Variants in PDS5B observed in about 807,000 individuals in gnomAD.
The protein encoded by PDS5B is sister chromatid cohesion protein PDS5 homolog B.
Under a neutral mutation model 184.1 loss-of-function variants are expected in PDS5B, and 51 were observed. That is an observed-to-expected ratio of 0.28 (90% CI 0.22 to 0.35). The LOEUF is 0.35. PDS5B is among the 10% of genes least tolerant of loss of function. The pLI is 1.00. For missense variants in PDS5B, 1,180 were observed against 1,723.3 expected, an observed-to-expected ratio of 0.68 and a Z score of 5.58; for synonymous variants, 566 against 569.2, an observed-to-expected ratio of 0.99 and a Z score of 0.08.
intron 19 of PDS5B, among the ~76,000 whole-genome samples, chr13:32,726,067 A>G (rs760017724): frequency 1.3e-5 from 2 of 151,902 alleles, no homozygotes; most frequent in Non-Finnish European, 2.9e-5. Context: ...GGCTTTAAAC[A>G]TATCTAAAGG....
Position 32,735,171 on chromosome 13 carries a change from G to A in PDS5B, c.2248-1G>A. The A allele has an allele frequency of 6.5e-7, 1 of 1,539,094 alleles. No individual in the cohort carries two copies. The highest frequency in any genetic ancestry group is 8.7e-7 in the Non-Finnish European group (1 of 1,143,570). On this transcript the variant is annotated splice_acceptor_variant, in intron 20 of 34. Transcript: ENST00000315596. LOFTEE classifies it high-confidence loss of function. The stretch of plus-strand genomic sequence containing the variant: ...ATATATTTTCCTCCCCTCATTTTCA[G>A]CCTCTGCATAAGAGCCTAGATCCAA...
intron 1 of PDS5B, among the ~76,000 whole-genome samples, chr13:32,635,341 C>CTTTT (rs576811097): frequency 5.8e-5 from 6 of 103,808 alleles, no homozygotes; most frequent in East Asian, 5.3e-4. Flanking sequence ...CCTGGCCTGT[C>CTTTT]TTTTTTTTTT....
At chr13:32,697,414 A>G (rs1951737657) in intron 15 of PDS5B, among the ~76,000 whole-genome samples, 1 of 152,182 alleles carries the variant, frequency 6.6e-6, no homozygotes, top group Non-Finnish European at 1.5e-5. Flanking sequence ...GCAAATGGAT[A>G]GAGGGATAAT....
At position 32,736,954 on chromosome 13, in the gene PDS5B, A is replaced by G. The variant is rs542860018; in HGVS notation, c.2406+1624A>G. Reference sequence around the variant, plus strand: ...ACACATACTTCAATTCTGTAATTCTATAGTTTTTAAACATAGCTCTTTGTT... The same window carrying G: ...ACACATACTTCAATTCTGTAATTCTGTAGTTTTTAAACATAGCTCTTTGTT... On this transcript the variant is annotated intron_variant, in intron 21 of 34. Transcript: ENST00000315596. Among the ~76,000 whole-genome samples the G allele has an allele frequency of 8.5e-5, 13 of 152,226 alleles. No individual in the cohort carries two copies. The South Asian group carries it at 1.5e-3, about 17-fold the overall frequency.
chr13:32,646,492 T>G (rs1017779093), intron 1 of PDS5B, among the ~76,000 whole-genome samples: 1 of 149,984 alleles, frequency 6.7e-6, no homozygotes, highest in African/African-American at 2.4e-5. Flanking sequence ...GCTGTGAACA[T>G]TTTTTTATAT....
chr13:32,630,369 G>A (rs139330115), intron 1 of PDS5B, among the ~76,000 whole-genome samples: 1 of 152,124 alleles, frequency 6.6e-6, no homozygotes, highest in Non-Finnish European at 1.5e-5. Context: ...GACATTTTTG[G>A]TTGTCACAAC....
At chr13:32,610,006 G>A (rs2058117220) in intron 1 of PDS5B, among the ~76,000 whole-genome samples, 1 of 152,194 alleles carries the variant, frequency 6.6e-6, no homozygotes, top group South Asian at 2.1e-4. Flanking sequence ...TAGAATTGCT[G>A]GAGCAATGTC....
At chr13:32,687,088 T>C (rs1566327859) in intron 11 of PDS5B, 46 bp from the exon 12 acceptor site, 1 of 1,457,680 alleles carries the variant, frequency 6.9e-7, no homozygotes, top group South Asian at 1.3e-5. Context: ...TTAATTTATA[T>C]AATGGAAGCC....
intron 1 of PDS5B, among the ~76,000 whole-genome samples, chr13:32,622,830 C>G (rs2058321104): frequency 6.6e-6 from 1 of 152,068 alleles, no homozygotes; most frequent in South Asian, 2.1e-4. Context: ...ATGTAGGTGC[C>G]TGTTACAACC....
chr13:32,665,521 A>G (rs1354478580), intron 6 of PDS5B, among the ~76,000 whole-genome samples: 14 of 136,554 alleles, frequency 1.0e-4, no homozygotes, highest in Admixed American at 1.0e-3. Context: ...CCCGGGAGGC[A>G]GAGCTTGCAG....
chr13:32,758,521 T>C lies in PDS5B; in HGVS notation c.3190-13T>C. On this transcript the variant is annotated splice_polypyrimidine_tract_variant and intron_variant, in intron 27 of 34. Transcript: ENST00000315596. ...GCTTAAGTATCTGTGTTTTTAAAAA[T>C]ATACTATTGCAGAAACTGTACACTG... 6.2e-7 allele frequency: 1 copy of C among 1,603,374 alleles called. No homozygotes were observed. The highest frequency in any genetic ancestry group is 8.5e-7 in the Non-Finnish European group (1 of 1,174,564).
At position 32,760,630 on chromosome 13, in the gene PDS5B, A is replaced by G. The variant is rs200178558; in HGVS notation, c.3428A>G (p.Lys1143Arg). ...AVNKPLSSAG[K>R]QSQTKSSRME... Reference sequence around the variant, plus strand: ...AACAAGCCACTTTCATCAGCAGGCAAGCAATCTCAGACCAAATCATCACGA... The same window carrying G: ...AACAAGCCACTTTCATCAGCAGGCAGGCAATCTCAGACCAAATCATCACGA... The change falls in exon 30 of 35, where the codon AAG (lysine) becomes AGG (arginine). Residue 1143 changes from lysine (K) to arginine (R), a missense_variant. This residue lies in a region of PDS5B where 465 missense variants were observed against 497.8 expected (regional missense o/e 0.93). Coordinates refer to ENST00000315596, the MANE Select transcript of PDS5B (RefSeq NM_015032.4). 27 of 1,614,092 alleles carry G rather than the reference A, an allele frequency of 1.7e-5. No individual in the cohort carries two copies. In the East Asian group the frequency reaches 5.1e-4, roughly 31 times the overall value.
chr13:32,653,301 A>G (rs1055551306), intron 3 of PDS5B, among the ~76,000 whole-genome samples: 1 of 152,180 alleles, frequency 6.6e-6, no homozygotes, highest in Non-Finnish European at 1.5e-5. Context: ...CAAAACAAAA[A>G]AAAGATAATT....
At position 32,709,324 on chromosome 13, in the gene PDS5B, T is replaced by A. The variant is rs116204764; in HGVS notation, c.1963-622T>A. Among the ~76,000 whole-genome samples the A allele has an allele frequency of 7.2e-3, 1,098 of 151,998 alleles. 13 individuals are homozygous for A. Among genetic ancestry groups the A allele is most frequent in the African/African-American group, 0.025 (1,055 of 41,506 alleles). Reference sequence around the variant, plus strand: ...GAAAGTGTGTTGTGGGGGCAAGGGGTCTAATTTGATTTTCTCCCAATAGCT... The same window carrying A: ...GAAAGTGTGTTGTGGGGGCAAGGGGACTAATTTGATTTTCTCCCAATAGCT... On this transcript the variant is annotated intron_variant, in intron 18 of 34. Coordinates refer to ENST00000315596, the MANE Select transcript of PDS5B (RefSeq NM_015032.4).
At chr13:32,679,346 C>T (rs917826673) in intron 10 of PDS5B, among the ~76,000 whole-genome samples, 9 of 152,136 alleles carry the variant, frequency 5.9e-5, no homozygotes, top group African/African-American at 2.2e-4. Context: ...TTCATAGATG[C>T]TTCCAACCTA....
intron 12 of PDS5B, among the ~76,000 whole-genome samples, 168 bp from the exon 13 acceptor site, chr13:32,688,288 T>C (rs1329264243): frequency 6.6e-6 from 1 of 152,186 alleles, no homozygotes; most frequent in Non-Finnish European, 1.5e-5. Flanking sequence ...AATCCTGTTT[T>C]GGTCCCCTTC....
At chr13:32,625,755 C>A in intron 1 of PDS5B, among the ~76,000 whole-genome samples, 1 of 149,208 alleles carries the variant, frequency 6.7e-6, no homozygotes, top group Non-Finnish European at 1.5e-5. Context: ...TATTTATATA[C>A]TGGGTTGTGT....
intron 1 of PDS5B, among the ~76,000 whole-genome samples, chr13:32,597,633 G>A (rs556137880): frequency 3.3e-5 from 5 of 152,012 alleles, no homozygotes; most frequent in African/African-American, 1.2e-4. Flanking sequence ...GGGTTGCAAG[G>A]TCAAGAGATA....
intron 1 of PDS5B, among the ~76,000 whole-genome samples, chr13:32,625,838 CTT>C (rs67536326): frequency 6.6e-4 from 87 of 131,322 alleles, no homozygotes; most frequent in Admixed American, 7.6e-4. Context: ...GACCAGTATT[CTT>C]TTTTTTTTTT....
Sources: gnomAD v4.1 joint callset for allele counts (sites outside exome capture counted in the v4.1 genomes callset) on GRCh38, gnomAD v4.1.1 for gene constraint, gnomAD v4.1.1 regional missense constraint, MANE v1.5 for transcripts, NCBI Gene and HGNC (gene_info 2026-07-23, HGNC 2026-07-21) for gene names.